LANCL3: variants seen among roughly 807,000 people sequenced by gnomAD.
LANCL3 encodes the protein LanC like family member 3.
Under a neutral mutation model 26.5 loss-of-function variants are expected in LANCL3, and 19 were observed. The observed-to-expected ratio is 0.72, with a 90% CI of 0.50 to 1.05. LANCL3 has a LOEUF of 1.05. Among genes scored for constraint, LANCL3 ranks in the 50% least tolerant of loss-of-function variants. The probability of loss-of-function intolerance (pLI) is 0.00; values close to 1 mark genes in which losing one functional copy is unlikely to be tolerated. For synonymous variants in LANCL3, 160 were observed against 166.6 expected (o/e 0.96, Z 0.30); for missense variants, 318 against 362.7 (o/e 0.88, Z 1.00).
At chrX:37,634,225 G>T (rs1422865219) in intron 1 of LANCL3, among the ~76,000 whole-genome samples, 1 of 112,629 alleles carries the variant, frequency 8.9e-6, no homozygotes, top group Non-Finnish European at 1.9e-5. Context: ...GTGGACGTAG[G>T]ACCCTTCGAG....
chrX:37,618,382 G>A (rs1223121599), intron 1 of LANCL3, among the ~76,000 whole-genome samples: 2 of 112,031 alleles, frequency 1.8e-5, no homozygotes, highest in Non-Finnish European at 3.8e-5. Flanking sequence ...GTGGTGATTA[G>A]TGGCTTGCCT....
At position 37,609,209 on chromosome X, in the gene LANCL3, A is replaced by G. The variant is rs782475260; in HGVS notation, c.573+36766A>G. On this transcript the variant is annotated intron_variant, in intron 1 of 4. Coordinates refer to ENST00000378619, the MANE Select transcript of LANCL3 (RefSeq NM_001170331.2). ...CTTTCAGCAACCTTCCACCTGCTAA[A>G]AAGAAATCCATATTTGCCTACTTAG... Among the ~76,000 whole-genome samples, 5 of 112,224 alleles carry G rather than the reference A, an allele frequency of 4.5e-5. No individual in the cohort carries two copies. The South Asian group carries it at 1.9e-3, about 42-fold the overall frequency.
chrX:37,665,353 G>A lies in LANCL3; in HGVS notation c.896-1929G>A, dbSNP rs953357528. Among the ~76,000 whole-genome samples, 7 of 111,449 alleles carry A rather than the reference G, an allele frequency of 6.3e-5. 1 individual carries two copies. The Admixed American group carries it at 6.7e-4, about 11-fold the overall frequency. ...GGCTTCTTCCTGCCTCCATGTCTTT[G>A]CCCTTGCTAATCTTAGTGCTAGATA... is the stretch of plus-strand genomic sequence containing the variant. On this transcript the variant is annotated intron_variant, in intron 3 of 4. Coordinates refer to ENST00000378619, the MANE Select transcript of LANCL3 (RefSeq NM_001170331.2).
At chrX:37,595,215 C>T (rs1245539840) in intron 1 of LANCL3, among the ~76,000 whole-genome samples, 1 of 111,854 alleles carries the variant, frequency 8.9e-6, no homozygotes, top group Non-Finnish European at 1.9e-5. Context: ...GAATGATAGG[C>T]ACCTTCCTGG....
At chrX:37,600,701 A>T (rs957559854) in intron 1 of LANCL3, among the ~76,000 whole-genome samples, 1 of 112,028 alleles carries the variant, frequency 8.9e-6, no homozygotes, top group Non-Finnish European at 1.9e-5. Flanking sequence ...ACTTTCATGC[A>T]CCTGAATCAC....
intron 1 of LANCL3, among the ~76,000 whole-genome samples, chrX:37,600,615 G>A (rs1239860960): frequency 8.9e-6 from 1 of 112,068 alleles, no homozygotes; most frequent in African/African-American, 3.3e-5. Flanking sequence ...GCCTTTCACT[G>A]GGATGGGAAT....
In LANCL3 at chrX:37,683,955, A is replaced by G. The variant is rs1420071711; in HGVS notation, c.*8142A>G. ...GTCTGACAGGGAAATTAGCAATCAT[A>G]AGCTATAAGATATATATTATTTTCA... is the stretch of plus-strand genomic sequence containing the variant. On this transcript the variant is annotated 3_prime_UTR_variant, in exon 5 of 5. Transcript: ENST00000378619. 2 of 112,227 alleles carry G rather than the reference A, an allele frequency of 1.8e-5. No individual in the cohort carries two copies. Among genetic ancestry groups the G allele is most frequent in the African/African-American group, 3.2e-5 (1 of 30,923 alleles). The allele number at this position is 112,227 out of a possible 1,213,427, so 9.2% of individuals were successfully genotyped here.
chrX:37,648,061 G>A (rs781935909), intron 1 of LANCL3, among the ~76,000 whole-genome samples: 1 of 112,642 alleles, frequency 8.9e-6, no homozygotes, highest in Non-Finnish European at 1.9e-5. Flanking sequence ...ACTTCACTTT[G>A]TTAGGTGGGC....
chrX:37,603,074 G>C (rs1434415312), intron 1 of LANCL3, among the ~76,000 whole-genome samples: 6 of 112,236 alleles, frequency 5.3e-5, no homozygotes, highest in Non-Finnish European at 1.1e-4. Flanking sequence ...TAGGAAGTCT[G>C]GCAGGGAATG....
intron 1 of LANCL3, among the ~76,000 whole-genome samples, chrX:37,653,876 G>A (rs1175734190): frequency 9.2e-6 from 1 of 108,450 alleles, no homozygotes; most frequent in Non-Finnish European, 1.9e-5. Flanking sequence ...TAATAAAAGG[G>A]AAATTTAAGT....
At chrX:37,617,298 C>T (rs1556421799) in intron 1 of LANCL3, among the ~76,000 whole-genome samples, 1 of 111,115 alleles carries the variant, frequency 9.0e-6, no homozygotes. Flanking sequence ...GTTTTTGTTT[C>T]TCACATAAGT....
At chrX:37,573,726 T>G (rs1923665141) in intron 1 of LANCL3, among the ~76,000 whole-genome samples, 1 of 111,777 alleles carries the variant, frequency 8.9e-6, no homozygotes, top group Non-Finnish European at 1.9e-5. Context: ...CCCCTCACCT[T>G]GTAGTCTGGC....
At chrX:37,667,212 T>C (rs1926565175) in intron 3 of LANCL3, 70 bp from the exon 4 acceptor site, 1 of 654,767 alleles carries the variant, frequency 1.5e-6, no homozygotes, top group Non-Finnish European at 2.2e-6. Context: ...AGCTTTTTAT[T>C]GTTCTGGAAG....
Position 37,677,138 on chromosome X carries a change from A to ATGTGTGTGTGTGTGTGTGTGTGTG in LANCL3, c.*1331_*1354dup, listed in dbSNP as rs200149842. The ATGTGTGTGTGTGTGTGTGTGTGTG allele has an allele frequency of 1.4e-4, 14 of 99,484 alleles. No individual in the cohort carries two copies. Among genetic ancestry groups the ATGTGTGTGTGTGTGTGTGTGTGTG allele is most frequent in the African/African-American group, 4.6e-4 (12 of 25,972 alleles). The allele number at this position is 99,484 out of a possible 1,213,427, so 8.2% of individuals were successfully genotyped here. ...TAGTCATTAAATATTTGGATATATT[A>ATGTGTGTGTGTGTGTGTGTGTGTG]TGTGTGTGTGTGTGTGTGTGTGTGT... On this transcript the variant is annotated 3_prime_UTR_variant, in exon 5 of 5. Coordinates refer to ENST00000378619, the MANE Select transcript of LANCL3 (RefSeq NM_001170331.2).
At chrX:37,581,749 A>G (rs1923899729) in intron 1 of LANCL3, among the ~76,000 whole-genome samples, 1 of 112,231 alleles carries the variant, frequency 8.9e-6, no homozygotes, top group Admixed American at 9.4e-5. Context: ...CTGTTAATAT[A>G]CATTCCACGA....
intron 1 of LANCL3, among the ~76,000 whole-genome samples, chrX:37,613,118 A>G (rs1163693530): frequency 9.1e-6 from 1 of 110,430 alleles, no homozygotes; most frequent in Non-Finnish European, 1.9e-5. Context: ...CTTGCTATCT[A>G]AAGTAGCATG....
At position 37,683,436 on chromosome X, in the gene LANCL3, C is replaced by T. The variant is rs1926984876; in HGVS notation, c.*7623C>T. On this transcript the variant is annotated 3_prime_UTR_variant, in exon 5 of 5. Coordinates refer to ENST00000378619, the MANE Select transcript of LANCL3 (RefSeq NM_001170331.2). ...CTTGGCACAAATGCAGAGTTAAAAACATAAAATTATAAAAAAAAATAATAG... is the reference window on the plus strand; with the variant it reads ...CTTGGCACAAATGCAGAGTTAAAAATATAAAATTATAAAAAAAAATAATAG... The T allele has an allele frequency of 9.0e-6, 1 of 111,518 alleles. No individual in the cohort carries two copies. The highest frequency in any genetic ancestry group is 1.9e-5 in the Non-Finnish European group (1 of 52,989). 9.2% of individuals were successfully genotyped at this position (111,518 alleles called of 1,213,427 possible). A position where few individuals can be genotyped will look rare whatever the true frequency, so the allele number is the denominator to read the frequency against.
chrX:37,667,048 T>A (rs782120112), intron 3 of LANCL3, among the ~76,000 whole-genome samples: 1 of 112,011 alleles, frequency 8.9e-6, no homozygotes, highest in African/African-American at 3.2e-5. Flanking sequence ...AAAATCTCAC[T>A]GGGAAAATAA....
chrX:37,641,129 C>A (rs1925850574), intron 1 of LANCL3, among the ~76,000 whole-genome samples: 1 of 111,212 alleles, frequency 9.0e-6, no homozygotes, highest in South Asian at 3.8e-4. Context: ...AAAAGAGAAA[C>A]CAGAAATATT....
Sources: allele counts gnomAD v4.1 joint callset (sites outside exome capture counted in the v4.1 genomes callset), GRCh38; gene constraint gnomAD v4.1.1; transcripts MANE v1.5; gene names NCBI Gene and HGNC (gene_info 2026-07-23, HGNC 2026-07-21).